The following FAM220A variants were observed in gnomAD, a reference collection of about 807,000 sequenced individuals.
The protein encoded by FAM220A is protein FAM220A.
For missense variants in FAM220A, 392 were observed against 321.6 expected (o/e 1.22, Z -1.68); for synonymous variants, 141 against 130.7 (o/e 1.08, Z -0.54).
At chr7:6,333,121 C>T (rs1781671809) in intron 1 of FAM220A, among the ~76,000 whole-genome samples, 1 of 150,686 alleles carries the variant, frequency 6.6e-6, no homozygotes, top group African/African-American at 2.4e-5. Context: ...CCCACCACTG[C>T]ACTCCAGCCT....
In FAM220A at chr7:6,348,676, A is replaced by T. The variant is rs2115155805; in HGVS notation, c.-185T>A. 1 of 493,258 alleles carries T rather than the reference A, an allele frequency of 2.0e-6. No homozygotes were observed. The highest frequency in any genetic ancestry group is 2.0e-5 in the African/African-American group (1 of 50,610). The allele number at this position is 493,258 out of a possible 1,614,324, so 30.6% of individuals were successfully genotyped here. On this transcript the variant is annotated 5_prime_UTR_variant, in exon 1 of 2. It removes the in-frame stop codon of an upstream open reading frame in the 5' UTR. Transcript: ENST00000313324. ...GAAGAAGATGAGCAGCGTGCGAGTCAGCCCCTTGCAGAAGACCCCATAGGA... is the reference window on the plus strand; with the variant it reads ...GAAGAAGATGAGCAGCGTGCGAGTCTGCCCCTTGCAGAAGACCCCATAGGA...
At chr7:6,346,971 G>A (rs1781963370) in intron 1 of FAM220A, among the ~76,000 whole-genome samples, 1 of 152,116 alleles carries the variant, frequency 6.6e-6, no homozygotes, top group Admixed American at 6.6e-5. Flanking sequence ...GAGGGGCTCA[G>A]GACTTGGCCA....
chr7:6,344,255 G>T (rs538595643), intron 1 of FAM220A, among the ~76,000 whole-genome samples: 1 of 152,064 alleles, frequency 6.6e-6, no homozygotes, highest in East Asian at 1.9e-4. Context: ...TTCAAATCAG[G>T]TAAGTTAGTG....
intron 1 of FAM220A, among the ~76,000 whole-genome samples, chr7:6,336,217 A>G (rs1229084833): frequency 2.0e-5 from 3 of 151,416 alleles, no homozygotes; most frequent in Non-Finnish European, 2.9e-5. Context: ...GTGGTGGTGC[A>G]CACCTGTAGT....
Position 6,330,578 on chromosome 7 carries a change from A to G in FAM220A, c.577T>C (p.Ser193Pro). The change falls in exon 2 of 2, where the codon TCT becomes CCT. Residue 193 changes from serine (S) to proline (P), a missense_variant. By Grantham distance (74) the Ser-to-Pro change is moderately conservative (BLOSUM62 -1). Transcript: ENST00000313324. ...TCGGGATACACGTGCAGCGTTGCAG[A>G]CAGGATGGAGTGCAGGCAAGCGGGT... ...LEPACLHSIL[S>P]ATLHVYPEVL... 1 of 1,614,164 alleles carries G rather than the reference A, an allele frequency of 6.2e-7. No individual in the cohort carries two copies. The highest frequency in any genetic ancestry group is 1.1e-5 in the South Asian group (1 of 91,090).
intron 1 of FAM220A, among the ~76,000 whole-genome samples, chr7:6,346,895 G>A (rs1287200676): frequency 1.3e-5 from 2 of 152,184 alleles, no homozygotes; most frequent in African/African-American, 2.4e-5. Flanking sequence ...CCCAAGGACC[G>A]TCCAACTGTA....
At chr7:6,339,579 G>C (rs1026071651) in intron 1 of FAM220A, among the ~76,000 whole-genome samples, 1 of 151,850 alleles carries the variant, frequency 6.6e-6, no homozygotes, top group African/African-American at 2.4e-5. Context: ...CGCCTCCCAG[G>C]TTCACGCCAT....
intron 1 of FAM220A, among the ~76,000 whole-genome samples, chr7:6,347,678 C>G (rs1293546105): frequency 6.6e-6 from 1 of 152,086 alleles, no homozygotes; most frequent in Non-Finnish European, 1.5e-5. Context: ...CCTCACAACT[C>G]AGTTCCACCT....
At chr7:6,348,139 A>ACC (rs1365283475) in intron 1 of FAM220A, among the ~76,000 whole-genome samples, 1 of 148,868 alleles carries the variant, frequency 6.7e-6, no homozygotes, top group Non-Finnish European at 1.5e-5. Context: ...CGAACTCCTG[A>ACC]CCTCAGGTAA....
In FAM220A at chr7:6,330,311, T is replaced by G; in HGVS notation, c.*64A>C. ...CTGCACAGTTTGCATCCAGACTTAA[T>G]GCGAAAGAAATCATTCTAAGACAAC... On this transcript the variant is annotated 3_prime_UTR_variant, in exon 2 of 2. Coordinates refer to ENST00000313324, the MANE Select transcript of FAM220A (RefSeq NM_001037163.2). 1 of 1,473,000 alleles carries G rather than the reference T, an allele frequency of 6.8e-7. No individual in the cohort carries two copies. Among genetic ancestry groups the G allele is most frequent in the Non-Finnish European group, 9.2e-7 (1 of 1,083,052 alleles). The allele number at this position is 1,473,000 out of a possible 1,614,324, so 91.2% of individuals were successfully genotyped here. A position where few individuals can be genotyped will look rare whatever the true frequency, so the allele number is the denominator to read the frequency against.
Position 6,337,692 on chromosome 7 carries a change from T to C in FAM220A, c.-81-6457A>G, listed in dbSNP as rs183460521. ...AAAAATTCATTTAATAAGGTAAACA[T>C]GTATTCAATCATGATAGAATAAATT... On this transcript the variant is annotated intron_variant, in intron 1 of 1. Transcript: ENST00000313324. Among the ~76,000 whole-genome samples, 197 of 151,928 alleles carry C rather than the reference T, an allele frequency of 1.3e-3. 7 individuals carry two copies. The highest frequency in any genetic ancestry group is 4.6e-3 in the African/African-American group (189 of 41,242).
chr7:6,336,267 G>A (rs1028083327), intron 1 of FAM220A, among the ~76,000 whole-genome samples: 5 of 151,928 alleles, frequency 3.3e-5, no homozygotes, highest in Admixed American at 6.6e-5. Flanking sequence ...AGGACTGCTT[G>A]AGCCTAGAAG....
intron 1 of FAM220A, among the ~76,000 whole-genome samples, chr7:6,339,481 CCTTT>C (rs1212970754): frequency 2.0e-5 from 3 of 151,900 alleles, no homozygotes; most frequent in East Asian, 1.9e-4. Context: ...GCTGTGTACC[CCTTT>C]TTTTGTTTTT....
At chr7:6,337,227 A>G (rs1781765756) in intron 1 of FAM220A, among the ~76,000 whole-genome samples, 1 of 152,126 alleles carries the variant, frequency 6.6e-6, no homozygotes, top group Non-Finnish European at 1.5e-5. Flanking sequence ...GTATGCCACC[A>G]TGGCCCTGGC....
intron 1 of FAM220A, among the ~76,000 whole-genome samples, chr7:6,340,421 C>T (rs970162058): frequency 1.1e-4 from 16 of 152,118 alleles, no homozygotes; most frequent in Non-Finnish European, 2.2e-4. Context: ...ACAGCCCCAA[C>T]ATGGGTAAGT....
In FAM220A at chr7:6,348,912, C is replaced by G. The variant is rs931666863; in HGVS notation, c.-421G>C. On this transcript the variant is annotated 5_prime_UTR_variant, in exon 1 of 2. Transcript: ENST00000313324. ...GCAGTGGAGCGGAGTCCGCACGTCA[C>G]GCTCGGAGAAGTGCCTCCGCGAGCA... 92 of 385,390 alleles carry G rather than the reference C, an allele frequency of 2.4e-4. 1 individual carries two copies. The highest frequency in any genetic ancestry group is 1.8e-3 in the African/African-American group (86 of 48,090). The allele number at this position is 385,390 out of a possible 1,614,324, so 23.9% of individuals were successfully genotyped here. A position where few individuals can be genotyped will look rare whatever the true frequency, so the allele number is the denominator to read the frequency against.
In FAM220A at chr7:6,330,388, A is replaced by C; in HGVS notation, c.767T>G (p.Leu256Ter). 6.2e-7 allele frequency: 1 copy of C among 1,612,104 alleles called. No individual in the cohort carries two copies. The highest frequency in any genetic ancestry group is 8.5e-7 in the Non-Finnish European group (1 of 1,179,450). ...ALQPFELANT[L>*]CHS is the part of the protein sequence containing the mutation. ...TCTGCTTGTACCTTAACTATGGCAT[A>C]ATGTATTTGCTAATTCAAAAGGTTG... The change falls in exon 2 of 2, where the codon TTA becomes TGA. Residue 256 changes from leucine to a stop codon, truncating the protein, a stop_gained. Coordinates refer to ENST00000313324, the MANE Select transcript of FAM220A (RefSeq NM_001037163.2). LOFTEE classifies it high-confidence loss of function.
At chr7:6,336,555 C>T (rs1461874085) in intron 1 of FAM220A, among the ~76,000 whole-genome samples, 1 of 151,842 alleles carries the variant, frequency 6.6e-6, no homozygotes, top group Non-Finnish European at 1.5e-5. Context: ...GTTGCACATG[C>T]CTATAATCCC....
chr7:6,340,380 G>A (rs537984532), intron 1 of FAM220A, among the ~76,000 whole-genome samples: 81 of 152,246 alleles, frequency 5.3e-4, no homozygotes, highest in African/African-American at 1.8e-3. Context: ...GGTGGAGGAC[G>A]GAGAAGCGAC....
Sources: gnomAD v4.1 joint callset for allele counts (sites outside exome capture counted in the v4.1 genomes callset) on GRCh38, gnomAD v4.1.1 for gene constraint, MANE v1.5 for transcripts, NCBI Gene and HGNC (gene_info 2026-07-23, HGNC 2026-07-21) for gene names.